COL18A1: variants seen among roughly 807,000 people sequenced by gnomAD.
COL18A1 encodes the protein collagen type XVIII alpha 1 chain.
Under a neutral mutation model 168.0 loss-of-function variants are expected in COL18A1, and 133 were observed. That is an observed-to-expected ratio of 0.79 (90% CI 0.69 to 0.91). COL18A1 has a LOEUF of 0.91. Ranked by LOEUF, COL18A1 falls within the 40% of genes least tolerant of loss-of-function variation. The pLI is 0.00. For missense variants in COL18A1, 2,126 were observed against 1,925.4 expected, an observed-to-expected ratio of 1.10 and a Z score of -1.95; for synonymous variants, 949 against 809.0, an observed-to-expected ratio of 1.17 and a Z score of -2.94.
At chr21:45,465,464 G>A (rs745652701) in intron 2 of COL18A1, among the ~76,000 whole-genome samples, 6 of 151,166 alleles carry the variant, frequency 4.0e-5, no homozygotes, top group African/African-American at 7.4e-5. Context: ...ATGTCCCCCC[G>A]GGCACTTCAC....
In COL18A1 at chr21:45,477,266, G is replaced by A. The variant is rs1568903630; in HGVS notation, c.929-145G>A. On this transcript the variant is annotated intron_variant, in intron 6 of 41. Transcript: ENST00000651438. ...CCTGGGAGCTGGAGCTCAGGGGAGT[G>A]CGGCCTGAGGCTGGGGATCTGACAG... The A allele has an allele frequency of 1.2e-5, 8 of 678,930 alleles. No individual in the cohort carries two copies. In the East Asian group the frequency reaches 2.2e-4, roughly 18 times the overall value. 42.1% of individuals were successfully genotyped at this position (678,930 alleles called of 1,614,324 possible). A position where few individuals can be genotyped will look rare whatever the true frequency, so the allele number is the denominator to read the frequency against.
chr21:45,484,706 C>T (rs1469168257), intron 15 of COL18A1, among the ~76,000 whole-genome samples: 1 of 152,098 alleles, frequency 6.6e-6, no homozygotes, highest in Non-Finnish European at 1.5e-5. Context: ...TTTTCTAGCA[C>T]ACATGCACAC....
chr21:45,443,451 C>T lies in COL18A1; in HGVS notation c.107-24791C>T, dbSNP rs952080390. Among the ~76,000 whole-genome samples, 1 of 152,158 alleles carries T rather than the reference C, an allele frequency of 6.6e-6. No homozygotes were observed. Among genetic ancestry groups the T allele is most frequent in the Non-Finnish European group, 1.5e-5 (1 of 68,018 alleles). On this transcript the variant is annotated intron_variant, in intron 2 of 41. Coordinates refer to ENST00000651438, the MANE Select transcript of COL18A1 (RefSeq NM_001379500.1). This position sits in a 1 kb window ranked among gnomAD's most constrained non-coding sequence, Gnocchi z 5.2. ...CCTCCTTGGCCCTCACAGCCCAGCT[C>T]GGCATCGCAGCAGAGTCCCGGTGGT...
At chr21:45,437,655 C>G (rs1422236279) in intron 2 of COL18A1, among the ~76,000 whole-genome samples, 1 of 63,344 alleles carries the variant, frequency 1.6e-5, no homozygotes, top group East Asian at 8.8e-4. Context: ...CTCTCCTGCA[C>G]ACACACACAC....
At chr21:45,466,523 A>C (rs1293574863) in intron 2 of COL18A1, among the ~76,000 whole-genome samples, 1 of 152,222 alleles carries the variant, frequency 6.6e-6, no homozygotes, top group African/African-American at 2.4e-5. Flanking sequence ...AATGGGGTTC[A>C]GGCATTTGCT....
intron 2 of COL18A1, among the ~76,000 whole-genome samples, chr21:45,459,440 C>G (rs2034967340): frequency 6.6e-6 from 1 of 152,192 alleles, no homozygotes; most frequent in Non-Finnish European, 1.5e-5. Context: ...GAGTATGTGC[C>G]CCTGAGGGGA....
intron 32 of COL18A1, chr21:45,502,545 T>TA (rs1178173462): frequency 6.6e-6 from 1 of 152,148 alleles, no homozygotes; most frequent in East Asian, 1.9e-4. Flanking sequence ...GTTTTATATA[T>TA]AAAAATAGCA....
intron 2 of COL18A1, among the ~76,000 whole-genome samples, chr21:45,467,976 G>GTGCAGACACCATGTCTCC (rs908299378): frequency 1.3e-5 from 2 of 152,164 alleles, no homozygotes; most frequent in East Asian, 1.9e-4. Context: ...ACCATGTCCC[G>GTGCAGACACCATGTCTCC]TGCAGACACC....
At chr21:45,467,258 C>T in intron 2 of COL18A1, 1 of 985,414 alleles carries the variant, frequency 1.0e-6, no homozygotes, top group Non-Finnish European at 1.2e-6. Context: ...CTGGCTTGGG[C>T]TCCCTGGGCG....
chr21:45,411,518 C>T (rs961902292), intron 2 of COL18A1, among the ~76,000 whole-genome samples: 12 of 152,210 alleles, frequency 7.9e-5, no homozygotes, highest in African/African-American at 2.9e-4. Context: ...GCCTCGGACA[C>T]CCACAGTCTG....
Position 45,477,808 on chromosome 21 carries a change from G to A in COL18A1, c.1064G>A (p.Gly355Asp), listed in dbSNP as rs1311114154. The change falls in exon 8 of 42, where the codon GGC (glycine) becomes GAC (aspartate). Residue 355 changes from glycine to aspartate, a missense_variant. Physicochemically the swap from Gly to Asp is moderately conservative, Grantham distance 94. Transcript: ENST00000651438. ...PGVPGPPGRAGPPGSPCLPGP... is the reference protein window; with the variant it reads ...PGVPGPPGRADPPGSPCLPGP... ...GTTCCGGGCCCACCTGGCCGGGCAG[G>A]CCCCCCAGGATCCCCATGCCTACCT... The A allele has an allele frequency of 3.2e-6, 5 of 1,550,596 alleles. No individual in the cohort carries two copies. Among genetic ancestry groups the A allele is most frequent in the Non-Finnish European group, 3.5e-6 (4 of 1,147,060 alleles).
intron 3 of COL18A1, among the ~76,000 whole-genome samples, chr21:45,470,261 T>C (rs562239696): frequency 5.9e-5 from 9 of 152,346 alleles, no homozygotes; most frequent in South Asian, 4.1e-4. Context: ...TATTGTCTGT[T>C]TGTATTTCTT....
intron 15 of COL18A1, among the ~76,000 whole-genome samples, chr21:45,486,032 AC>A (rs1568915929): frequency 6.6e-6 from 1 of 152,106 alleles, no homozygotes; most frequent in East Asian, 1.9e-4. Context: ...TCACAGCGGG[AC>A]CCCTGCCTCA....
intron 38 of COL18A1, among the ~76,000 whole-genome samples, chr21:45,508,483 ATGGG>A (rs898984734): frequency 1.7e-4 from 25 of 147,446 alleles, no homozygotes; most frequent in African/African-American, 5.8e-4. Context: ...GGGTGAGTGG[ATGGG>A]TGGGTGGATG....
In COL18A1 at chr21:45,495,264, G is replaced by A. The variant is rs575578640; in HGVS notation, c.2434-94G>A. 3.9e-4 allele frequency: 411 copies of A among 1,059,814 alleles called. 4 individuals are homozygous for A. The Middle Eastern group carries it at 4.0e-3, about 10-fold the overall frequency. 65.7% of individuals were successfully genotyped at this position (1,059,814 alleles called of 1,614,324 possible). The stretch of plus-strand genomic sequence containing the variant: ...GTGTGAGGCTGAGCGTGGGCCGGCC[G>A]GGCCTGGCGTGGGGCTAACGGCAGG... On this transcript the variant is annotated intron_variant, in intron 28 of 41. Transcript: ENST00000651438.
chr21:45,413,367 A>G (rs1011014678), intron 2 of COL18A1, among the ~76,000 whole-genome samples: 2 of 152,234 alleles, frequency 1.3e-5, no homozygotes, highest in Non-Finnish European at 2.9e-5. Flanking sequence ...ACAGGCTTCA[A>G]CGCCCCTGTC....
chr21:45,462,277 T>C (rs1298662836), intron 2 of COL18A1, among the ~76,000 whole-genome samples: 1 of 152,170 alleles, frequency 6.6e-6, no homozygotes, highest in Non-Finnish European at 1.5e-5. Flanking sequence ...TTCCCTGAGC[T>C]CTTAACTGTT....
rs145550816 is a variant in COL18A1, at chr21:45,446,088, A to T, written c.107-22154A>T. The stretch of plus-strand genomic sequence containing the variant: ...AGCTCTTTTATTTAAGAGCTAAAAT[A>T]AAAATTTTAATAGCTGCATGTGGTG... On this transcript the variant is annotated intron_variant, in intron 2 of 41. Coordinates refer to ENST00000651438, the MANE Select transcript of COL18A1 (RefSeq NM_001379500.1). Among the ~76,000 whole-genome samples the T allele has an allele frequency of 3.4e-4, 52 of 152,368 alleles. No individual in the cohort carries two copies. In the East Asian group the frequency reaches 4.8e-3, roughly 14 times the overall value.
At chr21:45,491,533 G>A (rs1286640005) in intron 22 of COL18A1, among the ~76,000 whole-genome samples, 1 of 146,130 alleles carries the variant, frequency 6.8e-6, no homozygotes, top group Non-Finnish European at 1.6e-5. Context: ...CCGAGGAGAG[G>A]GGAGGGCCTG....
Sources: gnomAD v4.1 joint callset for allele counts (sites outside exome capture counted in the v4.1 genomes callset) on GRCh38, gnomAD v4.1.1 for gene constraint, Gnocchi (gnomAD v3.1) non-coding constraint, MANE v1.5 for transcripts, NCBI Gene and HGNC (gene_info 2026-07-23, HGNC 2026-07-21) for gene names.